The following RBMS3 variants were observed in gnomAD, a reference collection of about 807,000 sequenced individuals.
RBMS3 encodes RNA binding motif single stranded interacting protein 3.
RBMS3 carries 27 observed loss-of-function variants against 66.8 expected under a neutral mutation model. That is an observed-to-expected ratio of 0.40 (90% CI 0.30 to 0.56). RBMS3 has a LOEUF of 0.56. Among genes scored for constraint, RBMS3 ranks in the 20% least tolerant of loss-of-function variants. The pLI is 0.40. For missense variants in RBMS3, 513 were observed against 549.5 expected, an observed-to-expected ratio of 0.93 and a Z score of 0.66; for synonymous variants, 188 against 183.0, an observed-to-expected ratio of 1.03 and a Z score of -0.22.
intron 6 of RBMS3, among the ~76,000 whole-genome samples, chr3:29,814,460 T>G (rs1390934292): frequency 6.6e-6 from 1 of 152,200 alleles, no homozygotes; most frequent in African/African-American, 2.4e-5. Context: ...GTTGTGTCTC[T>G]GCCAGGCTTT....
At chr3:29,351,404 A>G (rs917066277) in intron 1 of RBMS3, among the ~76,000 whole-genome samples, 1 of 152,150 alleles carries the variant, frequency 6.6e-6, no homozygotes, top group African/African-American at 2.4e-5. Context: ...GTGTTTCCTC[A>G]TAATTGCTCT....
intron 3 of RBMS3, among the ~76,000 whole-genome samples, chr3:29,553,363 C>A (rs1005359622): frequency 6.6e-6 from 1 of 152,106 alleles, no homozygotes; most frequent in African/African-American, 2.4e-5. Context: ...CAGGAACCAG[C>A]AGAAGGAGAG....
intron 6 of RBMS3, among the ~76,000 whole-genome samples, chr3:29,865,463 C>A (rs186479330): frequency 1.6e-3 from 237 of 152,222 alleles, no homozygotes; most frequent in African/African-American, 5.1e-3. Flanking sequence ...AAAAGAAACC[C>A]AGAATTTTCT....
intron 11 of RBMS3, among the ~76,000 whole-genome samples, chr3:29,939,801 A>G (rs1404784366): frequency 6.6e-6 from 1 of 151,700 alleles, no homozygotes; most frequent in East Asian, 2.0e-4. Context: ...TGACTCCTAA[A>G]TCTCAGTCCC....
chr3:29,336,850 T>A (rs1438581350), intron 1 of RBMS3, among the ~76,000 whole-genome samples: 4 of 152,254 alleles, frequency 2.6e-5, no homozygotes, highest in South Asian at 4.1e-4. Flanking sequence ...AAAGACAATA[T>A]GTTGATTTTT....
chr3:29,454,032 C>G (rs1201417730), intron 2 of RBMS3, among the ~76,000 whole-genome samples: 1 of 152,146 alleles, frequency 6.6e-6, no homozygotes, highest in Non-Finnish European at 1.5e-5. Flanking sequence ...AGTAAATTTT[C>G]TCTGTATTTC....
At chr3:29,841,587 T>C (rs927559126) in intron 6 of RBMS3, among the ~76,000 whole-genome samples, 2 of 151,994 alleles carry the variant, frequency 1.3e-5, no homozygotes, top group African/African-American at 2.4e-5. Flanking sequence ...TGCACCTTAT[T>C]TGATATAATT....
intron 1 of RBMS3, among the ~76,000 whole-genome samples, chr3:29,404,174 A>G (rs1049616537): frequency 6.6e-6 from 1 of 152,110 alleles, no homozygotes; most frequent in African/African-American, 2.4e-5. Flanking sequence ...AACCAGCATA[A>G]AAGTTTTTAA....
chr3:29,841,196 TA>T (rs2058655523), intron 6 of RBMS3, among the ~76,000 whole-genome samples: 1 of 151,978 alleles, frequency 6.6e-6, no homozygotes, highest in Non-Finnish European at 1.5e-5. Context: ...TGTGTATTTT[TA>T]TGTATTGACC....
At chr3:29,905,308 A>G (rs1343876835) in intron 10 of RBMS3, among the ~76,000 whole-genome samples, 1 of 152,086 alleles carries the variant, frequency 6.6e-6, no homozygotes, top group Non-Finnish European at 1.5e-5. Context: ...AAATACCTTA[A>G]TCACTATAGA....
Position 29,899,786 on chromosome 3 carries a change from T to A in RBMS3, c.939+31T>A, listed in dbSNP as rs568466847. 5.3e-4 allele frequency: 840 copies of A among 1,598,316 alleles called. 12 individuals carry two copies. In the South Asian group the frequency reaches 8.9e-3, roughly 17 times the overall value. On this transcript the variant is annotated intron_variant, in intron 10 of 14. Transcript: ENST00000383767. ...TGTTCTCAGTCACCTGAGGCTAATA[T>A]TTCTATTATCCAAGTACAAGCTTTT...
At chr3:29,568,933 G>A (rs2046838647) in intron 3 of RBMS3, among the ~76,000 whole-genome samples, 1 of 152,168 alleles carries the variant, frequency 6.6e-6, no homozygotes, top group South Asian at 2.1e-4. Context: ...TGAGTGGCTT[G>A]TTGCAGTCCA....
intron 1 of RBMS3, among the ~76,000 whole-genome samples, chr3:29,335,270 A>G (rs1050651437): frequency 1.3e-5 from 2 of 152,170 alleles, no homozygotes; most frequent in African/African-American, 2.4e-5. Context: ...TCAATCTCCA[A>G]TGATAATGCG....
chr3:29,667,113 C>A (rs1559551173), intron 4 of RBMS3, among the ~76,000 whole-genome samples: 1 of 152,094 alleles, frequency 6.6e-6, no homozygotes, highest in Non-Finnish European at 1.5e-5. Context: ...AATGTTCTTG[C>A]CCTCCTTTCC....
At chr3:29,365,738 A>G (rs28635648) in intron 1 of RBMS3, among the ~76,000 whole-genome samples, 5,326 of 152,248 alleles carry the variant, frequency 0.035, 343 homozygotes, top group African/African-American at 0.12. Flanking sequence ...CGTTAGGTAC[A>G]TGCAAATGTC....
At chr3:29,926,831 G>T (rs974391604) in intron 10 of RBMS3, 2 of 152,098 alleles carry the variant, frequency 1.3e-5, no homozygotes, top group Admixed American at 1.3e-4. Context: ...GTGTTTGGAG[G>T]TATACAAAGT....
intron 10 of RBMS3, chr3:29,933,849 C>T (rs879770126): frequency 9.2e-5 from 14 of 152,072 alleles, no homozygotes; most frequent in Non-Finnish European, 1.8e-4. Flanking sequence ...CACTCTATGA[C>T]ATCTGTAATC....
chr3:29,547,984 G>A (rs1211706011), intron 3 of RBMS3, among the ~76,000 whole-genome samples: 2 of 151,776 alleles, frequency 1.3e-5, no homozygotes, highest in African/African-American at 4.8e-5. Flanking sequence ...TAGTAGAGAC[G>A]GGGTTTTCTA....
At chr3:29,856,636 A>G (rs1224311132) in intron 6 of RBMS3, among the ~76,000 whole-genome samples, 1 of 152,226 alleles carries the variant, frequency 6.6e-6, no homozygotes, top group East Asian at 1.9e-4. Context: ...TAAGAAAAAT[A>G]TGAATTTCTG....
Sources: allele counts gnomAD v4.1 joint callset (sites outside exome capture counted in the v4.1 genomes callset), GRCh38; gene constraint gnomAD v4.1.1; transcripts MANE v1.5; gene names NCBI Gene and HGNC (gene_info 2026-07-23, HGNC 2026-07-21).